The following RALYL variants were observed in gnomAD, a reference collection of about 807,000 sequenced individuals.
The protein encoded by RALYL is RNA-binding Raly-like protein.
A neutral mutation model predicts 35.1 loss-of-function variants in RALYL; 29 were observed. The observed-to-expected ratio is 0.83, with a 90% CI of 0.61 to 1.13. The LOEUF (loss-of-function observed/expected upper bound fraction) is 1.13, where lower values mean the gene tolerates loss of function less well. RALYL is among the 50% of genes most tolerant of loss of function. The probability of loss-of-function intolerance (pLI) is 0.00; values close to 1 mark genes in which losing one functional copy is unlikely to be tolerated. For synonymous variants in RALYL, 120 were observed against 127.6 expected (o/e 0.94, Z 0.40); for missense variants, 359 against 360.4 (o/e 1.00, Z 0.03).
intron 4 of RALYL, among the ~76,000 whole-genome samples, chr8:84,846,034 C>T (rs185882110): frequency 1.1e-4 from 16 of 152,056 alleles, no homozygotes; most frequent in Admixed American, 2.6e-4. Flanking sequence ...TTTTGGTTAC[C>T]GTAGCCTTGT....
chr8:84,882,190 G>A (rs1374591090), intron 7 of RALYL, among the ~76,000 whole-genome samples: 2 of 151,488 alleles, frequency 1.3e-5, no homozygotes, highest in East Asian at 1.9e-4. Context: ...GCTTCTAATC[G>A]ACCTTTAAAA....
At chr8:84,478,298 T>A (rs1272184185) in intron 1 of RALYL, among the ~76,000 whole-genome samples, 1 of 152,090 alleles carries the variant, frequency 6.6e-6, no homozygotes, top group Non-Finnish European at 1.5e-5. Context: ...ATAAAAAGAT[T>A]GTCCCAGAGA....
intron 2 of RALYL, among the ~76,000 whole-genome samples, chr8:84,541,724 T>C (rs1392946013): frequency 1.3e-5 from 2 of 152,098 alleles, no homozygotes; most frequent in Non-Finnish European, 2.9e-5. Flanking sequence ...GTTTTATATA[T>C]TTGAAGCAAT....
At chr8:84,379,562 T>C (rs1857540834) in intron 1 of RALYL, among the ~76,000 whole-genome samples, 1 of 151,854 alleles carries the variant, frequency 6.6e-6, no homozygotes, top group East Asian at 1.9e-4. Flanking sequence ...GATGATAGCA[T>C]ATAAAACAAC....
chr8:84,648,474 A>G (rs1329450533), intron 2 of RALYL, among the ~76,000 whole-genome samples: 2 of 152,076 alleles, frequency 1.3e-5, no homozygotes, highest in East Asian at 3.9e-4. Flanking sequence ...CTGCAAGGCT[A>G]GAATTAGTTT....
intron 2 of RALYL, among the ~76,000 whole-genome samples, chr8:84,728,698 G>C (rs909064398): frequency 6.6e-6 from 1 of 152,082 alleles, no homozygotes; most frequent in African/African-American, 2.4e-5. Context: ...CATATGGCTA[G>C]CCAGTTTTCC....
intron 6 of RALYL, among the ~76,000 whole-genome samples, chr8:84,866,479 A>T (rs1839195276): frequency 6.6e-6 from 1 of 152,200 alleles, no homozygotes; most frequent in South Asian, 2.1e-4. Context: ...TTATTATAGC[A>T]GTTAAGAGTA....
At chr8:84,515,828 C>A (rs1038122669) in intron 1 of RALYL, among the ~76,000 whole-genome samples, 14 of 152,050 alleles carry the variant, frequency 9.2e-5, no homozygotes, top group African/African-American at 3.1e-4. Context: ...GTTAACCTAC[C>A]AGAAAGATTT....
chr8:84,236,159 A>G (rs972153277), intron 1 of RALYL, among the ~76,000 whole-genome samples: 1 of 152,176 alleles, frequency 6.6e-6, no homozygotes, highest in Non-Finnish European at 1.5e-5. Context: ...TGAGTAAGAT[A>G]GTTTGCAACG....
chr8:84,854,553 G>A (rs1836580643), intron 5 of RALYL, among the ~76,000 whole-genome samples: 1 of 152,162 alleles, frequency 6.6e-6, no homozygotes, highest in Non-Finnish European at 1.5e-5. Flanking sequence ...TCCGGCTGCA[G>A]CTGATCACAC....
intron 1 of RALYL, among the ~76,000 whole-genome samples, chr8:84,426,435 T>TCA (rs879329697): frequency 4.6e-5 from 4 of 87,420 alleles, no homozygotes; most frequent in South Asian, 5.3e-4. Flanking sequence ...TCTCTCTCTC[T>TCA]CTCTGTGTGT....
At chr8:84,278,507 C>G (rs1300763304) in intron 1 of RALYL, among the ~76,000 whole-genome samples, 1 of 152,206 alleles carries the variant, frequency 6.6e-6, no homozygotes, top group Non-Finnish European at 1.5e-5. Flanking sequence ...TGAATTTCTC[C>G]CTAGAAAATG....
intron 4 of RALYL, among the ~76,000 whole-genome samples, chr8:84,824,267 A>AAG (rs973249194): frequency 6.6e-6 from 1 of 151,860 alleles, no homozygotes; most frequent in African/African-American, 2.4e-5. Context: ...AGCTGCAAAA[A>AAG]AAAAAATAAG....
chr8:84,240,970 C>A (rs181975681), intron 1 of RALYL, among the ~76,000 whole-genome samples: 1 of 151,950 alleles, frequency 6.6e-6, no homozygotes, highest in African/African-American at 2.4e-5. Context: ...GGGAAAAATT[C>A]TATTAAATAT....
intron 4 of RALYL, among the ~76,000 whole-genome samples, chr8:84,819,089 T>C (rs12543946): frequency 0.038 from 5,740 of 152,196 alleles, 595 homozygotes; most frequent in East Asian, 0.26. Flanking sequence ...GAAAAAGGGA[T>C]AAGGAGACAA....
intron 1 of RALYL, among the ~76,000 whole-genome samples, chr8:84,186,665 T>C (rs1159116019): frequency 6.6e-6 from 1 of 152,176 alleles, no homozygotes; most frequent in East Asian, 1.9e-4. Context: ...CAAAGACGAT[T>C]TTAATGTGAG....
intron 1 of RALYL, among the ~76,000 whole-genome samples, chr8:84,487,049 A>C (rs1285864452): frequency 6.6e-6 from 1 of 152,082 alleles, no homozygotes; most frequent in Non-Finnish European, 1.5e-5. Context: ...AAGTGGGTTT[A>C]AAGAATCTCA....
chr8:84,782,741 G>A (rs1818485416), intron 3 of RALYL, among the ~76,000 whole-genome samples: 1 of 152,202 alleles, frequency 6.6e-6, no homozygotes, highest in South Asian at 2.1e-4. Context: ...AGGAACGTGT[G>A]CATCTCATAT....
intron 1 of RALYL, among the ~76,000 whole-genome samples, chr8:84,496,374 G>C (rs538249968): frequency 6.6e-6 from 1 of 152,234 alleles, no homozygotes; most frequent in East Asian, 1.9e-4. Context: ...TGGGTGTTTA[G>C]TTTCAGATAG....
Sources: gnomAD v4.1 joint callset for allele counts (sites outside exome capture counted in the v4.1 genomes callset) on GRCh38, gnomAD v4.1.1 for gene constraint, MANE v1.5 for transcripts, NCBI Gene and HGNC (gene_info 2026-07-23, HGNC 2026-07-21) for gene names.